The following SMG1 variants were observed in gnomAD, a reference collection of about 807,000 sequenced individuals.
SMG1 encodes serine/threonine-protein kinase SMG1.
A neutral mutation model predicts 419.9 loss-of-function variants in SMG1; 22 were observed. That is an observed-to-expected ratio of 0.05 (90% CI 0.04 to 0.07). The LOEUF (loss-of-function observed/expected upper bound fraction) is 0.07, where lower values mean the gene tolerates loss of function less well. Ranked by LOEUF, SMG1 falls within the 10% of genes least tolerant of loss-of-function variation. The pLI is 1.00. For synonymous variants in SMG1, 1,538 were observed against 1,553.5 expected (o/e 0.99, Z 0.23); for missense variants, 3,185 against 4,342.0 (o/e 0.73, Z 7.49).
intron 21 of SMG1, 24 bp from the exon 22 acceptor site, chr16:18,868,378 C>T (rs1234597287): frequency 8.6e-7 from 1 of 1,168,506 alleles, no homozygotes; most frequent in Non-Finnish European, 1.2e-6. Context: ...GAAAGAAAAG[C>T]TCAGGACTGG....
intron 46 of SMG1, 31 bp from the exon 47 acceptor site, chr16:18,836,563 GATTT>G (rs1396399342): frequency 1.8e-5 from 29 of 1,608,180 alleles, no homozygotes; most frequent in Non-Finnish European, 2.2e-5. Flanking sequence ...AAAATCAAAA[GATTT>G]ATTGCTGTTT....
chr16:18,894,487 T>A (rs1044690562), intron 3 of SMG1, among the ~76,000 whole-genome samples: 1 of 151,958 alleles, frequency 6.6e-6, no homozygotes, highest in Non-Finnish European at 1.5e-5. Context: ...TACTTTAGAG[T>A]CGCTGTTTAG....
intron 1 of SMG1, among the ~76,000 whole-genome samples, chr16:18,907,316 C>T (rs2037602504): frequency 6.6e-6 from 1 of 151,966 alleles, no homozygotes; most frequent in African/African-American, 2.4e-5. Flanking sequence ...ACTAATTGTA[C>T]ACCTAAATGC....
chr16:18,813,529 T>C (rs2031681021), intron 60 of SMG1, among the ~76,000 whole-genome samples: 1 of 152,240 alleles, frequency 6.6e-6, no homozygotes, highest in Non-Finnish European at 1.5e-5. Flanking sequence ...TTTTTTCTTG[T>C]AAATTTGAGT....
chr16:18,836,467 A>T lies in SMG1; in HGVS notation c.7670T>A (p.Leu2557Gln), dbSNP rs1188812384. The change falls in exon 47 of 63, where the codon CTG (leucine) becomes CAG (glutamine). Residue 2557 changes from leucine (L) to glutamine (Q), a missense_variant. This residue lies in a region of SMG1 where 412 missense variants were observed against 546.6 expected (regional missense o/e 0.75). Transcript: ENST00000446231. Reference protein sequence around the residue: ...RAVQEAIQVKLNEFEQWITHY... With the variant: ...RAVQEAIQVKQNEFEQWITHY... ...TGTTATCCATTGTTCAAATTCATTC[A>T]GCTTCACCTGGATTGCTTCCTGAAC... 1 of 1,613,942 alleles carries T rather than the reference A, an allele frequency of 6.2e-7. No individual in the cohort carries two copies. Among genetic ancestry groups the T allele is most frequent in the African/African-American group, 1.3e-5 (1 of 74,938 alleles).
At chr16:18,837,485 A>C in intron 45 of SMG1, 42 bp from the exon 46 acceptor site, 1 of 1,524,388 alleles carries the variant, frequency 6.6e-7, no homozygotes, top group Non-Finnish European at 9.0e-7. Context: ...TTACAGGGCC[A>C]ATTTTGAGAC....
intron 56 of SMG1, 116 bp from the exon 57 acceptor site, chr16:18,817,586 T>A (rs2032130322): frequency 1.2e-6 from 1 of 834,964 alleles, no homozygotes; most frequent in African/African-American, 1.7e-5. Flanking sequence ...AGGACCAGAA[T>A]TGGTCCTGAA....
intron 10 of SMG1, among the ~76,000 whole-genome samples, chr16:18,881,295 C>A (rs1219639056): frequency 1.3e-5 from 2 of 152,036 alleles, no homozygotes; most frequent in Admixed American, 1.3e-4. Flanking sequence ...CAAACAACCA[C>A]CTTTTAGATA....
rs781531031 is a variant in SMG1, at chr16:18,925,983, T to C, written c.59A>G (p.Lys20Arg). 9.5e-6 allele frequency: 15 copies of C among 1,577,724 alleles called. No individual in the cohort carries two copies. The East Asian group carries it at 1.6e-4, about 17-fold the overall frequency. Residue 20 changes from lysine (K) to arginine (R), a missense_variant, in exon 1 of 63, where the codon AAG becomes AGG. Lys to Arg is a conservative substitution (Grantham distance 26). Transcript: ENST00000446231. ...CCAGTCATTCCAGCTCCGCGGATAC[T>C]TGGTGCCGCCGCCGCCGCCGCCGCT... ...LSSGGGGGGT[K>R]YPRSWNDWQP... is the part of the protein sequence containing the mutation.
chr16:18,833,566 CA>C (rs35610810), intron 50 of SMG1, among the ~76,000 whole-genome samples: 47,193 of 145,824 alleles, frequency 0.32, 7,973 homozygotes, highest in Non-Finnish European at 0.39. Flanking sequence ...TATTTCCCTT[CA>C]AAAAAAAAAA....
chr16:18,816,325 G>A lies in SMG1; in HGVS notation c.10279C>T (p.His3427Tyr). 6.2e-7 allele frequency: 1 copy of A among 1,613,816 alleles called. No homozygotes were observed. The highest frequency in any genetic ancestry group is 8.5e-7 in the Non-Finnish European group (1 of 1,179,784). Residue 3427 changes from histidine to tyrosine, a missense_variant, in exon 58 of 63, where the codon CAT becomes TAT. Physicochemically the swap from His to Tyr is moderately conservative, Grantham distance 83. Around this residue, in one of 27 missense-constraint regions of SMG1, gnomAD observed 737 missense variants for 846.6 expected, o/e 0.87. Coordinates refer to ENST00000446231, the MANE Select transcript of SMG1 (RefSeq NM_015092.5). ...ACCTTAGCCATAGCTTTCAAGAGAT[G>A]TTTGACATCTCCAAGCTGTCGGTTA... ...GHNRQLGDVK[H>Y]LLKAMAKDEE...
chr16:18,872,740 G>A, intron 13 of SMG1, 116 bp from the exon 14 acceptor site: 1 of 881,014 alleles, frequency 1.1e-6, no homozygotes, highest in Non-Finnish European at 1.7e-6. Flanking sequence ...ATTACAGACT[G>A]CAAGGGATCT....
chr16:18,866,388 A>G (rs1184444181), intron 23 of SMG1: 9 of 560,182 alleles, frequency 1.6e-5, no homozygotes, highest in Non-Finnish European at 2.9e-5. Context: ...AATAACTGAC[A>G]GGTCTTGTTT....
chr16:18,843,849 A>T (rs2034067958), intron 39 of SMG1, among the ~76,000 whole-genome samples: 7 of 152,234 alleles, frequency 4.6e-5, no homozygotes, highest in Admixed American at 4.6e-4. Flanking sequence ...GTGGGGAGAT[A>T]AAATTAGGGA....
chr16:18,811,725 A>G (rs1207686707), intron 62 of SMG1, 36 bp downstream of exon 62: 1 of 1,559,736 alleles, frequency 6.4e-7, no homozygotes, highest in East Asian at 2.2e-5. Flanking sequence ...TTCCAGCAGC[A>G]TTAAAATGTG....
At chr16:18,867,688 T>G (rs1368087298) in intron 22 of SMG1, among the ~76,000 whole-genome samples, 2 of 149,410 alleles carry the variant, frequency 1.3e-5, no homozygotes, top group South Asian at 2.1e-4. Context: ...AACATGAACA[T>G]TATTTTAACT....
At chr16:18,891,499 G>C (rs1233440169) in intron 4 of SMG1, among the ~76,000 whole-genome samples, 1 of 150,306 alleles carries the variant, frequency 6.7e-6, no homozygotes, top group Non-Finnish European at 1.5e-5. Flanking sequence ...GCAATGGCAT[G>C]ATCTCAGCTC....
intron 35 of SMG1, among the ~76,000 whole-genome samples, chr16:18,849,645 C>T (rs1330493094): frequency 6.6e-6 from 1 of 152,098 alleles, no homozygotes; most frequent in Non-Finnish European, 1.5e-5. Flanking sequence ...TCTGTGAATG[C>T]CTACAAACAA....
chr16:18,860,135 T>C (rs958140412), intron 26 of SMG1, among the ~76,000 whole-genome samples: 9 of 152,116 alleles, frequency 5.9e-5, no homozygotes, highest in African/African-American at 2.2e-4. Context: ...GGAGAATCAC[T>C]TGAACTCAGA....
Sources: allele counts gnomAD v4.1 joint callset (sites outside exome capture counted in the v4.1 genomes callset), GRCh38; gene constraint gnomAD v4.1.1; regional missense constraint gnomAD v4.1.1; transcripts MANE v1.5; gene names NCBI Gene and HGNC (gene_info 2026-07-23, HGNC 2026-07-21).